Variants in NIM1K observed in about 807,000 individuals in gnomAD.
NIM1K encodes serine/threonine-protein kinase NIM1.
A neutral mutation model predicts 37.1 loss-of-function variants in NIM1K; 35 were observed. That is an observed-to-expected ratio of 0.94 (90% CI 0.72 to 1.25). The LOEUF is 1.25. Ranked by LOEUF, NIM1K falls within the 50% of genes most tolerant of loss-of-function variation. The pLI is 0.00. For missense variants in NIM1K, 564 were observed against 548.0 expected (o/e 1.03, Z -0.29); for synonymous variants, 234 against 206.6 (o/e 1.13, Z -1.14).
chr5:43,226,713 A>G (rs1383313642), intron 1 of NIM1K, among the ~76,000 whole-genome samples: 1 of 152,236 alleles, frequency 6.6e-6, no homozygotes, highest in Non-Finnish European at 1.5e-5. Context: ...CTGTGATGGC[A>G]GGTAGAGTGG....
intron 1 of NIM1K, among the ~76,000 whole-genome samples, chr5:43,228,836 C>CAATT (rs922087123): frequency 1.3e-5 from 2 of 151,804 alleles, no homozygotes; most frequent in Non-Finnish European, 2.9e-5. Flanking sequence ...GTCTCAAAAA[C>CAATT]AATTAATTAA....
chr5:43,264,978 C>T (rs759050748), intron 2 of NIM1K, among the ~76,000 whole-genome samples: 7 of 152,160 alleles, frequency 4.6e-5, no homozygotes, highest in African/African-American at 7.2e-5. Context: ...GAGTTTCTGC[C>T]GAGAGATCTG....
intron 2 of NIM1K, among the ~76,000 whole-genome samples, chr5:43,260,536 T>C (rs1753011227): frequency 6.6e-6 from 1 of 152,184 alleles, no homozygotes; most frequent in Non-Finnish European, 1.5e-5. Flanking sequence ...TCATATGGTT[T>C]TGTTTTTAAT....
rs896928812 is a variant in NIM1K at position 43,192,411 on chromosome 5, G to A, written c.-695G>A. ...GCCCAAGAGCTGGCCTCGCCACGAA[G>A]GTAAGCGAGGGGCTGGGGGACTCGC... On this transcript the variant is annotated splice_region_variant and 5_prime_UTR_variant, in exon 1 of 4. Coordinates refer to ENST00000326035, the MANE Select transcript of NIM1K (RefSeq NM_153361.4). 2.0e-5 allele frequency: 3 copies of A among 152,410 alleles called. No homozygotes were observed. In the East Asian group the frequency reaches 5.8e-4, roughly 29 times the overall value. The allele number at this position is 152,410 out of a possible 1,614,324, so 9.4% of individuals were successfully genotyped here.
chr5:43,261,923 G>A (rs898289875), intron 2 of NIM1K, among the ~76,000 whole-genome samples: 8 of 152,040 alleles, frequency 5.3e-5, no homozygotes, highest in East Asian at 1.9e-4. Context: ...GGTTGTAGAC[G>A]TGTGGTATTA....
intron 1 of NIM1K, among the ~76,000 whole-genome samples, chr5:43,196,942 C>CT (rs774125135): frequency 0.13 from 10,614 of 82,584 alleles, 1,037 homozygotes; most frequent in East Asian, 0.6. Flanking sequence ...CCATGCCCAG[C>CT]TTTTTTTTTT....
intron 2 of NIM1K, among the ~76,000 whole-genome samples, chr5:43,259,327 C>T (rs1561090038): frequency 6.6e-6 from 1 of 152,146 alleles, no homozygotes; most frequent in Non-Finnish European, 1.5e-5. Flanking sequence ...TTTTAATTTA[C>T]TTTTAGATTT....
intron 2 of NIM1K, among the ~76,000 whole-genome samples, chr5:43,263,347 T>C (rs961699232): frequency 1.1e-4 from 17 of 152,220 alleles, no homozygotes; most frequent in Admixed American, 1.1e-3. Context: ...GGAGGGTGTA[T>C]GTGTCCAGGA....
chr5:43,232,582 T>C, intron 1 of NIM1K: 1 of 1,571,216 alleles, frequency 6.4e-7, no homozygotes, highest in Non-Finnish European at 8.7e-7. Context: ...ACAATCAGAG[T>C]GCTCCAGGGT....
At chr5:43,247,719 T>C (rs542693182) in intron 2 of NIM1K, among the ~76,000 whole-genome samples, 1 of 152,334 alleles carries the variant, frequency 6.6e-6, no homozygotes, top group South Asian at 2.1e-4. Context: ...AACTTGCACA[T>C]ACTGCAGACA....
chr5:43,218,719 C>T (rs1232835057), intron 1 of NIM1K, among the ~76,000 whole-genome samples: 1 of 124,676 alleles, frequency 8.0e-6, no homozygotes, highest in Admixed American at 7.7e-5. Context: ...AATTTTTCTT[C>T]TTTTCTTTTT....
intron 2 of NIM1K, among the ~76,000 whole-genome samples, chr5:43,263,674 G>A (rs1753072962): frequency 6.6e-6 from 1 of 151,992 alleles, no homozygotes; most frequent in Non-Finnish European, 1.5e-5. Flanking sequence ...TTTTGAATGT[G>A]CTTGCTCTTG....
chr5:43,274,894 A>C (rs1753315311), intron 2 of NIM1K, among the ~76,000 whole-genome samples: 1 of 152,214 alleles, frequency 6.6e-6, no homozygotes, highest in Admixed American at 6.5e-5. Context: ...TAGGTCAAAC[A>C]GGTACTTTGG....
chr5:43,212,585 A>G (rs946219186), intron 1 of NIM1K, among the ~76,000 whole-genome samples: 11 of 152,056 alleles, frequency 7.2e-5, no homozygotes, highest in African/African-American at 2.7e-4. Flanking sequence ...CCTTCCTCCC[A>G]TCTCTAGTCC....
chr5:43,253,033 A>C (rs1752888912), intron 2 of NIM1K, among the ~76,000 whole-genome samples: 1 of 145,794 alleles, frequency 6.9e-6, no homozygotes. Context: ...GCTGGAGTGC[A>C]GTGATGCGAT....
At chr5:43,254,843 A>G (rs947770240) in intron 2 of NIM1K, among the ~76,000 whole-genome samples, 4 of 152,172 alleles carry the variant, frequency 2.6e-5, no homozygotes, top group African/African-American at 7.2e-5. Flanking sequence ...AGCATGGGGG[A>G]CAGCTATGCA....
At chr5:43,251,288 A>G (rs12655504) in intron 2 of NIM1K, among the ~76,000 whole-genome samples, 44,634 of 152,134 alleles carry the variant, frequency 0.29, 7,204 homozygotes, top group East Asian at 0.67. Context: ...CTAACAATCA[A>G]TCTCAGACTT....
intron 1 of NIM1K, among the ~76,000 whole-genome samples, chr5:43,215,743 C>T (rs1260876066): frequency 6.6e-6 from 1 of 152,208 alleles, no homozygotes; most frequent in African/African-American, 2.4e-5. Context: ...CCCATCTTTT[C>T]CTTTTAACAA....
chr5:43,261,842 C>G lies in NIM1K; in HGVS notation c.293-15215C>G, dbSNP rs532710664. On this transcript the variant is annotated intron_variant, in intron 2 of 3. Coordinates refer to ENST00000326035, the MANE Select transcript of NIM1K (RefSeq NM_153361.4). Reference sequence around the variant, plus strand: ...TTTCTACATATGGCCAGCCAGTTTTCCCAGCACCACTTATTAAATAGGAAT... The same window carrying G: ...TTTCTACATATGGCCAGCCAGTTTTGCCAGCACCACTTATTAAATAGGAAT... Among the ~76,000 whole-genome samples the G allele has an allele frequency of 2.6e-5, 4 of 152,310 alleles. No homozygotes were observed. The South Asian group carries it at 8.3e-4, about 32-fold the overall frequency.
Sources: gnomAD v4.1 joint callset for allele counts (sites outside exome capture counted in the v4.1 genomes callset) on GRCh38, gnomAD v4.1.1 for gene constraint, MANE v1.5 for transcripts, NCBI Gene and HGNC (gene_info 2026-07-23, HGNC 2026-07-21) for gene names.